Variants in WDR87 observed in about 807,000 individuals in gnomAD.
The protein encoded by WDR87 is WD repeat-containing protein 87.
A neutral mutation model predicts 83.3 loss-of-function variants in WDR87; 56 were observed. That is an observed-to-expected ratio of 0.67 (90% CI 0.54 to 0.84). The LOEUF is 0.84. Ranked by LOEUF, WDR87 falls within the 40% of genes least tolerant of loss-of-function variation. The probability of loss-of-function intolerance (pLI) is 0.00; values close to 1 mark genes in which losing one functional copy is unlikely to be tolerated. For missense variants in WDR87, 2,939 were observed against 3,431.9 expected (o/e 0.86, Z 3.59); for synonymous variants, 1,173 against 1,250.6 (o/e 0.94, Z 1.31).
Position 37,886,758 on chromosome 19 carries a change from C to A in WDR87, c.6913G>T (p.Glu2305Ter). 1 of 1,337,638 alleles carries A rather than the reference C, an allele frequency of 7.5e-7. No individual in the cohort carries two copies. Among genetic ancestry groups the A allele is most frequent in the Non-Finnish European group, 1.0e-6 (1 of 981,828 alleles). The allele number at this position is 1,337,638 out of a possible 1,614,324, so 82.9% of individuals were successfully genotyped here. A position where few individuals can be genotyped will look rare whatever the true frequency, so the allele number is the denominator to read the frequency against. Reference protein sequence around the residue: ...EREEEEEREEEEERKEEEEGE... With the variant: ...EREEEEEREE Reference sequence around the variant, plus strand: ...TCCTCCTCCTCCTTCCTTTCCTCCTCCTCCTCCCTTTCCTCCTCCTCCTCC... The same window carrying A: ...TCCTCCTCCTCCTTCCTTTCCTCCTACTCCTCCCTTTCCTCCTCCTCCTCC... The change falls in exon 6 of 6, where the codon GAG becomes TAG. Residue 2305 changes from glutamate (E) to a stop codon, truncating the protein, a stop_gained. Coordinates refer to ENST00000447313, the MANE Select transcript of WDR87 (RefSeq NM_001291088.2). LOFTEE classifies it low-confidence loss of function (END_TRUNC).
Position 37,895,889 on chromosome 19 carries a change from G to A in WDR87, c.246+249C>T, listed in dbSNP as rs540698105. ...GAGGACTCAAGTGATTTTATCCCTT[G>A]GTGATGGGAATTGGAAATACGGTAG... On this transcript the variant is annotated intron_variant, in intron 3 of 5. Transcript: ENST00000447313. 4.2e-5 allele frequency: 21 copies of A among 498,548 alleles called. No homozygotes were observed. In the South Asian group the frequency reaches 5.4e-4, roughly 13 times the overall value. The allele number at this position is 498,548 out of a possible 1,614,324, so 30.9% of individuals were successfully genotyped here.
intron 3 of WDR87, 150 bp downstream of exon 3, chr19:37,895,988 G>T (rs1024497026): frequency 9.3e-7 from 1 of 1,077,944 alleles, no homozygotes; most frequent in Non-Finnish European, 1.3e-6. Context: ...TCAACATGGG[G>T]ACTATAATTG....
chr19:37,897,394 G>C (rs2046264576), intron 2 of WDR87, among the ~76,000 whole-genome samples: 1 of 151,572 alleles, frequency 6.6e-6, no homozygotes, highest in Non-Finnish European at 1.5e-5. Flanking sequence ...ATTTTTAGTA[G>C]AGACGGGATT....
At chr19:37,905,048 A>G (rs976838526) in intron 1 of WDR87, among the ~76,000 whole-genome samples, 1 of 151,912 alleles carries the variant, frequency 6.6e-6, no homozygotes, top group African/African-American at 2.4e-5. Flanking sequence ...CCTGGCTAAC[A>G]TGGTGAAACC....
Position 37,898,232 on chromosome 19 carries a change from G to T in WDR87, c.8C>A (p.Ser3Tyr), listed in dbSNP as rs1359252080. The T allele has an allele frequency of 1.3e-6, 2 of 1,551,616 alleles. No homozygotes were observed. Among genetic ancestry groups the T allele is most frequent in the Admixed American group, 2.0e-5 (1 of 50,992 alleles). The change falls in exon 2 of 6, where the codon TCC becomes TAC. Residue 3 changes from serine to tyrosine, a missense_variant. By Grantham distance (144) the Ser-to-Tyr change is moderately radical. This residue lies in a region of WDR87 where 226 missense variants were observed against 320.9 expected (regional missense o/e 0.70). Coordinates refer to ENST00000447313, the MANE Select transcript of WDR87 (RefSeq NM_001291088.2). MS[S>Y]PRLIPLWKDL... ...TTTCCACAGGGGAATGAGCCTGGGG[G>T]AAGACATCACCGTCAGACTCCCTTG... is the stretch of plus-strand genomic sequence containing the variant.
Position 37,889,757 on chromosome 19 carries a change from T to C in WDR87, c.3914A>G (p.Asn1305Ser). ...CTGAGCAAATGTCACTAGCTCAGCGTTTAGGTTTTCTGACATTTTTGTTTG... is the reference window on the plus strand; with the variant it reads ...CTGAGCAAATGTCACTAGCTCAGCGCTTAGGTTTTCTGACATTTTTGTTTG... ...GSQTKMSENL[N>S]AELVTFAQEM... is the part of the protein sequence containing the mutation. Residue 1305 changes from asparagine to serine, a missense_variant, in exon 6 of 6, where the codon AAC becomes AGC. Coordinates refer to ENST00000447313, the MANE Select transcript of WDR87 (RefSeq NM_001291088.2). The C allele has an allele frequency of 6.4e-7, 1 of 1,551,696 alleles. No individual in the cohort carries two copies. Among genetic ancestry groups the C allele is most frequent in the Non-Finnish European group, 8.7e-7 (1 of 1,147,006 alleles).
intron 1 of WDR87, among the ~76,000 whole-genome samples, 187 bp downstream of exon 1, chr19:37,906,312 A>G (rs2046328384): frequency 6.6e-6 from 1 of 152,174 alleles, no homozygotes; most frequent in Non-Finnish European, 1.5e-5. Flanking sequence ...GCGATCAACA[A>G]AAGAATGCAA....
Position 37,893,586 on chromosome 19 carries a change from A to C in WDR87, c.2117T>G (p.Phe706Cys), listed in dbSNP as rs559137066. ...LEVPKPFIPS[F>C]FFSFETMFVP... ...AAACATGGTCTCAAAGGAGAAGAAG[A>C]AGCTTGGTATGAAAGGCTTAGGGAC... The change falls in exon 4 of 6, where the codon TTC becomes TGC. Residue 706 changes from phenylalanine (F) to cysteine (C), a missense_variant. Physicochemically the swap from Phe to Cys is radical, Grantham distance 205. Coordinates refer to ENST00000447313, the MANE Select transcript of WDR87 (RefSeq NM_001291088.2). 116 of 1,551,944 alleles carry C rather than the reference A, an allele frequency of 7.5e-5. 1 individual carries two copies. The highest frequency in any genetic ancestry group is 3.7e-4 in the East Asian group (15 of 40,924).
intron 2 of WDR87, among the ~76,000 whole-genome samples, chr19:37,897,793 C>T (rs1030834466): frequency 2.0e-5 from 3 of 152,084 alleles, no homozygotes; most frequent in Admixed American, 1.3e-4. Context: ...GCAGCTGAGG[C>T]AGGAGAATTG....
chr19:37,892,470 A>G, intron 4 of WDR87, 108 bp downstream of exon 4: 1 of 1,096,046 alleles, frequency 9.1e-7, no homozygotes, highest in South Asian at 1.8e-5. Flanking sequence ...AGGCTATGAG[A>G]AAGAAGAAAC....
Position 37,891,566 on chromosome 19 carries a change from C to A in WDR87, c.3380G>T (p.Gly1127Val). 1.3e-6 allele frequency: 2 copies of A among 1,552,030 alleles called. No individual in the cohort carries two copies. Among genetic ancestry groups the A allele is most frequent in the East Asian group, 2.4e-5 (1 of 40,926 alleles). The change falls in exon 5 of 6, where the codon GGG becomes GTG. Residue 1127 changes from glycine to valine, a missense_variant. This residue lies in a region of WDR87 where 2,160 missense variants were observed against 2,533.1 expected (regional missense o/e 0.85). Transcript: ENST00000447313. ...CCCTTACATACTATGCTTTTTGACCCCTGCTTGGCCTCGTCTTTGGCCTTT... is the reference window on the plus strand; with the variant it reads ...CCCTTACATACTATGCTTTTTGACCACTGCTTGGCCTCGTCTTTGGCCTTT... ...PSKGQRRGQAGVKKHSQKWLR... is the reference protein window; with the variant it reads ...PSKGQRRGQAVVKKHSQKWLR...
chr19:37,896,414 C>A, intron 2 of WDR87, 106 bp from the exon 3 acceptor site: 5 of 1,214,756 alleles, frequency 4.1e-6, no homozygotes, highest in Non-Finnish European at 5.6e-6. Context: ...GCTTCCCACC[C>A]GAAGGACCTA....
In WDR87 at chr19:37,889,079, T is replaced by G; in HGVS notation, c.4592A>C (p.Glu1531Ala). The change falls in exon 6 of 6, where the codon GAA (glutamate) becomes GCA (alanine). Residue 1531 changes from glutamate (E) to alanine (A), a missense_variant. Transcript: ENST00000447313. ...TCCAGCCTGATGTAGTTTCTCCTCT[T>G]CCTGAAGAAGCCTCTTCTCCCATTC... ...KEEWEKRLLQ[E>A]EEKLHQAGEK... The G allele has an allele frequency of 6.4e-7, 1 of 1,552,156 alleles. No homozygotes were observed. Among genetic ancestry groups the G allele is most frequent in the Non-Finnish European group, 8.7e-7 (1 of 1,147,098 alleles).
At position 37,888,386 on chromosome 19, in the gene WDR87, C is replaced by T. The variant is rs973387688; in HGVS notation, c.5285G>A (p.Trp1762Ter). 7 of 1,551,920 alleles carry T rather than the reference C, an allele frequency of 4.5e-6. No homozygotes were observed. In the Admixed American group the frequency reaches 9.8e-5, roughly 22 times the overall value. ...TTTCCAAGACAGTTCTTCCATGTCC[C>T]ATTCCAGTTCCTCCAATTCCTGGGC... ...ELAQELEELE[W>*]DMEELSWKEE... Residue 1762 changes from tryptophan (W) to a stop codon, truncating the protein, a stop_gained, in exon 6 of 6, where the codon TGG becomes TAG. Coordinates refer to ENST00000447313, the MANE Select transcript of WDR87 (RefSeq NM_001291088.2). LOFTEE classifies it low-confidence loss of function (END_TRUNC).
At position 37,894,211 on chromosome 19, in the gene WDR87, C is replaced by G; in HGVS notation, c.1492G>C (p.Glu498Gln). ...VLSQHSCARL[E>Q]KFMHFGAVLA... ...ACAGCGCCAAAGTGCATGAATTTTT[C>G]TAATCGAGCACAGCTGTGCTGGGAG... Residue 498 changes from glutamate (E) to glutamine (Q), a missense_variant, in exon 4 of 6, where the codon GAA (glutamate) becomes CAA (glutamine). This residue lies in a region of WDR87 where 553 missense variants were observed against 577.9 expected (regional missense o/e 0.96). Coordinates refer to ENST00000447313, the MANE Select transcript of WDR87 (RefSeq NM_001291088.2). 1 of 1,552,126 alleles carries G rather than the reference C, an allele frequency of 6.4e-7. No homozygotes were observed. The highest frequency in any genetic ancestry group is 8.7e-7 in the Non-Finnish European group (1 of 1,147,096).
chr19:37,885,626 C>T lies in WDR87; in HGVS notation c.8045G>A (p.Gly2682Glu). The T allele has an allele frequency of 1.3e-6, 2 of 1,551,770 alleles. No individual in the cohort carries two copies. Among genetic ancestry groups the T allele is most frequent in the South Asian group, 1.2e-5 (1 of 84,064 alleles). Reference protein sequence around the residue: ...DPRAKNWHLLGEPYRSERAQQ... With the variant: ...DPRAKNWHLLEEPYRSERAQQ... ...TGCCCTCTCACTTCTGTAAGGTTCT[C>T]CTAGAAGATGCCAATTTTTAGCCCT... Residue 2682 changes from glycine (G) to glutamate (E), a missense_variant, in exon 6 of 6, where the codon GGA (glycine) becomes GAA (glutamate). By Grantham distance (98) the Gly-to-Glu change is moderately conservative. Transcript: ENST00000447313.
chr19:37,902,173 C>G (rs1292751509), intron 1 of WDR87, among the ~76,000 whole-genome samples: 2 of 152,040 alleles, frequency 1.3e-5, no homozygotes, highest in African/African-American at 2.4e-5. Flanking sequence ...GCTCCAGATG[C>G]TTTAATCCCA....
intron 4 of WDR87, 144 bp from the exon 5 acceptor site, chr19:37,891,964 G>T: frequency 9.9e-7 from 1 of 1,008,266 alleles, no homozygotes; most frequent in African/African-American, 1.6e-5. Flanking sequence ...TAATGGCTGA[G>T]ACAAAAGAAA....
In WDR87 at chr19:37,888,663, C is replaced by G; in HGVS notation, c.5008G>C (p.Ala1670Pro). 6.4e-7 allele frequency: 1 copy of G among 1,551,966 alleles called. No individual in the cohort carries two copies. The highest frequency in any genetic ancestry group is 2.4e-5 in the East Asian group (1 of 40,906). ...VKITQDDREM[A>P]QAEGKFAQKE... ...TGGGCAAACTTACCCTCTGCCTGGGCCATTTCCCTGTCATCCTGGGTTATT... is the reference window on the plus strand; with the variant it reads ...TGGGCAAACTTACCCTCTGCCTGGGGCATTTCCCTGTCATCCTGGGTTATT... The change falls in exon 6 of 6, where the codon GCC (alanine) becomes CCC (proline). Residue 1670 changes from alanine (A) to proline (P), a missense_variant. Physicochemically the swap from Ala to Pro is conservative, Grantham distance 27. Transcript: ENST00000447313.
Sources: allele counts gnomAD v4.1 joint callset (sites outside exome capture counted in the v4.1 genomes callset), GRCh38; gene constraint gnomAD v4.1.1; regional missense constraint gnomAD v4.1.1; transcripts MANE v1.5; gene names NCBI Gene and HGNC (gene_info 2026-07-23, HGNC 2026-07-21).